Variants in TRHR observed in about 807,000 individuals in gnomAD.
TRHR encodes the protein thyrotropin-releasing hormone receptor.
TRHR carries 14 observed loss-of-function variants against 28.0 expected under a neutral mutation model. The observed-to-expected ratio is 0.50, with a 90% CI of 0.33 to 0.78. The LOEUF is 0.78. Ranked by LOEUF, TRHR falls within the 30% of genes least tolerant of loss-of-function variation. The pLI, the probability that TRHR is intolerant of heterozygous loss-of-function variation, is 0.02. For synonymous variants in TRHR, 176 were observed against 171.9 expected, an observed-to-expected ratio of 1.02 and a Z score of -0.18; for missense variants, 438 against 469.5, an observed-to-expected ratio of 0.93 and a Z score of 0.62.
chr8:109,103,603 G>C (rs768848312), intron 2 of TRHR, among the ~76,000 whole-genome samples: 9 of 152,120 alleles, frequency 5.9e-5, no homozygotes, highest in Non-Finnish European at 1.2e-4. Flanking sequence ...CTTCACACTT[G>C]AGCATCATGC....
intron 2 of TRHR, among the ~76,000 whole-genome samples, chr8:109,097,480 A>T (rs1811612267): frequency 6.6e-6 from 1 of 152,174 alleles, no homozygotes; most frequent in African/African-American, 2.4e-5. Flanking sequence ...GGTATTGTCT[A>T]AAAAGAACCA....
chr8:109,091,914 C>G (rs1811522540), intron 2 of TRHR, among the ~76,000 whole-genome samples: 2 of 151,452 alleles, frequency 1.3e-5, no homozygotes, highest in Admixed American at 1.3e-4. Context: ...CATTTCAGCT[C>G]TATCTACACA....
At chr8:109,105,562 A>C (rs1270779256) in intron 2 of TRHR, among the ~76,000 whole-genome samples, 3 of 152,152 alleles carry the variant, frequency 2.0e-5, no homozygotes, top group African/African-American at 7.2e-5. Context: ...AAATGGGAAA[A>C]CATGGAATAA....
rs1455336113 is a variant in TRHR, at chr8:109,121,482, C to T, written c.*2027C>T. ...TATCTTCATCACAATTTCACTACAGCTGTAATTTCTCTGATGATTAGACCA... is the reference window on the plus strand; with the variant it reads ...TATCTTCATCACAATTTCACTACAGTTGTAATTTCTCTGATGATTAGACCA... On this transcript the variant is annotated 3_prime_UTR_variant, in exon 3 of 3. Coordinates refer to ENST00000518632, the MANE Select transcript of TRHR (RefSeq NM_003301.7). Among the ~76,000 whole-genome samples, 2 of 151,670 alleles carry T rather than the reference C, an allele frequency of 1.3e-5. No individual in the cohort carries two copies. Among genetic ancestry groups the T allele is most frequent in the African/African-American group, 2.4e-5 (1 of 41,346 alleles).
chr8:109,109,275 T>C (rs1811793851), intron 2 of TRHR, among the ~76,000 whole-genome samples: 1 of 152,128 alleles, frequency 6.6e-6, no homozygotes, highest in Non-Finnish European at 1.5e-5. Flanking sequence ...CAAAATTCAA[T>C]GCATAATAGT....
chr8:109,100,433 C>A (rs1586188984), intron 2 of TRHR, among the ~76,000 whole-genome samples: 1 of 151,426 alleles, frequency 6.6e-6, no homozygotes, highest in East Asian at 1.9e-4. Flanking sequence ...TGGAATTAAG[C>A]ATGGTTTTTT....
rs1305735496 is a variant in TRHR, at chr8:109,119,300, T to G, written c.1042T>G (p.Tyr348Asp). ...GAAGCCAACAGAGAAACCTGCTAAC[T>G]ACAGTGTGGCCCTAAATTACAGCGT... Reference protein sequence around the residue: ...KQKPTEKPANYSVALNYSVIK... With the variant: ...KQKPTEKPANDSVALNYSVIK... The change falls in exon 3 of 3, where the codon TAC (tyrosine) becomes GAC (aspartate). Residue 348 changes from tyrosine to aspartate, a missense_variant. Tyr to Asp is a radical substitution (Grantham distance 160, BLOSUM62 -3). Transcript: ENST00000518632. 9 of 1,612,626 alleles carry G rather than the reference T, an allele frequency of 5.6e-6. No homozygotes were observed. The highest frequency in any genetic ancestry group is 7.6e-6 in the Non-Finnish European group (9 of 1,179,214).
intron 2 of TRHR, 151 bp downstream of exon 2, chr8:109,088,452 A>G: frequency 1.1e-6 from 1 of 876,482 alleles, no homozygotes; most frequent in Non-Finnish European, 1.8e-6. Context: ...TAACATATTA[A>G]ATCCATCTCT....
At position 109,120,673 on chromosome 8, in the gene TRHR, T is replaced by G. The variant is rs1358982627; in HGVS notation, c.*1218T>G. 6.6e-6 allele frequency among the ~76,000 whole-genome samples: 1 copy of G among 151,834 alleles called. No homozygotes were observed. The highest frequency in any genetic ancestry group is 1.5e-5 in the Non-Finnish European group (1 of 67,858). On this transcript the variant is annotated 3_prime_UTR_variant, in exon 3 of 3. Coordinates refer to ENST00000518632, the MANE Select transcript of TRHR (RefSeq NM_003301.7). ...AGTTAAAACTGATTTCATCATATTA[T>G]CAGTATGTCATCTTTATATTTATGA... is the stretch of plus-strand genomic sequence containing the variant.
intron 2 of TRHR, among the ~76,000 whole-genome samples, chr8:109,113,913 G>T (rs895877870): frequency 7.2e-5 from 11 of 151,962 alleles, no homozygotes; most frequent in Non-Finnish European, 1.2e-4. Context: ...GCACATATAC[G>T]CAGGGTTGAA....
chr8:109,112,046 A>G (rs2129925517), intron 2 of TRHR, among the ~76,000 whole-genome samples: 1 of 152,300 alleles, frequency 6.6e-6, no homozygotes, highest in South Asian at 2.1e-4. Context: ...GATTCAGACA[A>G]AAGTCATATG....
Position 109,088,137 on chromosome 8 carries a change from G to T in TRHR, c.625G>T (p.Val209Phe), listed in dbSNP as rs768515704. The change falls in exon 2 of 3, where the codon GTC becomes TTC. Residue 209 changes from valine to phenylalanine, a missense_variant. Coordinates refer to ENST00000518632, the MANE Select transcript of TRHR (RefSeq NM_003301.7). ...FYVVPMILAT[V>F]LYGFIARILF... ...TGTTGTGCCAATGATCCTGGCTACC[G>T]TCCTCTATGGATTCATAGCTAGAAT... The T allele has an allele frequency of 1.9e-6, 3 of 1,614,124 alleles. No individual in the cohort carries two copies. In the South Asian group the frequency reaches 3.3e-5, roughly 18 times the overall value.
chr8:109,106,536 G>A (rs1014961895), intron 2 of TRHR, among the ~76,000 whole-genome samples: 7 of 151,962 alleles, frequency 4.6e-5, no homozygotes, highest in South Asian at 2.1e-4. Flanking sequence ...ACTGTTCCCC[G>A]AAAAAATTTT....
chr8:109,100,628 G>T (rs1326729358), intron 2 of TRHR, among the ~76,000 whole-genome samples: 7 of 152,136 alleles, frequency 4.6e-5, no homozygotes. Context: ...ATGCAAAAAT[G>T]ATTAAAACAA....
intron 2 of TRHR, among the ~76,000 whole-genome samples, chr8:109,107,265 T>C (rs1811765833): frequency 6.6e-6 from 1 of 152,186 alleles, no homozygotes; most frequent in Non-Finnish European, 1.5e-5. Context: ...TGATGGGAAA[T>C]CTCATCCCCT....
At chr8:109,097,843 G>A (rs567166633) in intron 2 of TRHR, among the ~76,000 whole-genome samples, 27 of 152,320 alleles carry the variant, frequency 1.8e-4, no homozygotes, top group Non-Finnish European at 3.5e-4. Flanking sequence ...CACCCTTGGA[G>A]TTTCCATTCC....
At chr8:109,108,419 A>G (rs1811783465) in intron 2 of TRHR, among the ~76,000 whole-genome samples, 1 of 152,200 alleles carries the variant, frequency 6.6e-6, no homozygotes, top group Non-Finnish European at 1.5e-5. Flanking sequence ...GGGAGAAAAG[A>G]GGCTGTGAAA....
rs1158640847 is a variant in TRHR at position 109,087,947 on chromosome 8, T to G, written c.435T>G (p.Ile145Met). 3.7e-6 allele frequency: 6 copies of G among 1,613,994 alleles called. No individual in the cohort carries two copies. The highest frequency in any genetic ancestry group is 5.1e-6 in the Non-Finnish European group (6 of 1,180,020). Residue 145 changes from isoleucine to methionine, a missense_variant, in exon 2 of 3, where the codon ATT becomes ATG. By Grantham distance (10) the Ile-to-Met change is conservative. Coordinates refer to ENST00000518632, the MANE Select transcript of TRHR (RefSeq NM_003301.7). ...GCACATTTTCCAGAGCCAAAAAGAT[T>G]ATCATCTTTGTCTGGGCTTTCACAT... ...FLCTFSRAKK[I>M]IIFVWAFTSL... is the part of the protein sequence containing the mutation.
rs1396904064 is a variant in TRHR, at chr8:109,120,288, A to G, written c.*833A>G. Among the ~76,000 whole-genome samples the G allele has an allele frequency of 6.6e-6, 1 of 151,914 alleles. No homozygotes were observed. Among genetic ancestry groups the G allele is most frequent in the Non-Finnish European group, 1.5e-5 (1 of 67,906 alleles). On this transcript the variant is annotated 3_prime_UTR_variant, in exon 3 of 3. Transcript: ENST00000518632. Reference sequence around the variant, plus strand: ...TAGTCAAGACAAAGCAAGTATTTATAATTAGATTTTGCTTCTTCTCTGACG... The same window carrying G: ...TAGTCAAGACAAAGCAAGTATTTATGATTAGATTTTGCTTCTTCTCTGACG...
Sources: allele counts gnomAD v4.1 joint callset (sites outside exome capture counted in the v4.1 genomes callset), GRCh38; gene constraint gnomAD v4.1.1; transcripts MANE v1.5; gene names NCBI Gene and HGNC (gene_info 2026-07-23, HGNC 2026-07-21).